Variants in LCP1 observed in about 807,000 individuals in gnomAD.
LCP1 encodes plastin-2.
Under a neutral mutation model 72.0 loss-of-function variants are expected in LCP1, and 23 were observed. The observed-to-expected ratio is 0.32, with a 90% CI of 0.23 to 0.45. The LOEUF (loss-of-function observed/expected upper bound fraction) is 0.45. Among genes scored for constraint, LCP1 ranks in the 20% least tolerant of loss-of-function variants. The pLI, the probability that LCP1 is intolerant of heterozygous loss-of-function variation, is 1.00. For missense variants in LCP1, 571 were observed against 748.3 expected (o/e 0.76, Z 2.76); for synonymous variants, 245 against 275.4 (o/e 0.89, Z 1.09).
At chr13:46,168,221 A>C (rs939232826) in intron 1 of LCP1, among the ~76,000 whole-genome samples, 1 of 152,226 alleles carries the variant, frequency 6.6e-6, no homozygotes, top group South Asian at 2.1e-4. Context: ...TCATAAATTG[A>C]GAAGCGGAGT....
At chr13:46,158,404 T>G in intron 4 of LCP1, 118 bp downstream of exon 4, 1 of 1,144,366 alleles carries the variant, frequency 8.7e-7, no homozygotes, top group Non-Finnish European at 1.2e-6. Context: ...ACAGGAAAAT[T>G]GGGAGTCATC....
At chr13:46,130,282 T>C (rs1301622201) in intron 15 of LCP1, among the ~76,000 whole-genome samples, 1 of 152,354 alleles carries the variant, frequency 6.6e-6, no homozygotes, top group Non-Finnish European at 1.5e-5. Context: ...GAAGCAGCTA[T>C]AGACAAGATG....
chr13:46,175,687 T>A (rs2045925867), intron 1 of LCP1, among the ~76,000 whole-genome samples: 1 of 151,904 alleles, frequency 6.6e-6, no homozygotes, highest in African/African-American at 2.4e-5. Flanking sequence ...TGAGGAACAG[T>A]CCCAACATGA....
chr13:46,178,879 T>G (rs2045943853), intron 1 of LCP1, among the ~76,000 whole-genome samples: 2 of 152,224 alleles, frequency 1.3e-5, no homozygotes, highest in Non-Finnish European at 2.9e-5. Context: ...ATAAGCAGAT[T>G]TCTTAATTTT....
intron 1 of LCP1, among the ~76,000 whole-genome samples, chr13:46,162,083 G>A (rs2045841751): frequency 6.6e-6 from 1 of 151,780 alleles, no homozygotes; most frequent in South Asian, 2.1e-4. Flanking sequence ...GAGAAGTTAA[G>A]ATACAGATCT....
At chr13:46,155,717 C>T (rs2045797257) in intron 5 of LCP1, among the ~76,000 whole-genome samples, 3 of 152,090 alleles carry the variant, frequency 2.0e-5, no homozygotes, top group African/African-American at 2.4e-5. Context: ...TCAAAGACAC[C>T]ACGTTGCATT....
At chr13:46,173,419 A>G (rs1044272867) in intron 1 of LCP1, among the ~76,000 whole-genome samples, 10 of 152,208 alleles carry the variant, frequency 6.6e-5, no homozygotes, top group Non-Finnish European at 1.3e-4. Context: ...AGGGAGAAAG[A>G]GAGGAAGAGA....
At chr13:46,151,120 G>T (rs746800289) in intron 7 of LCP1, 42 bp from the exon 8 acceptor site, 3 of 1,578,542 alleles carry the variant, frequency 1.9e-6, no homozygotes, top group Admixed American at 4.1e-5. Context: ...ATGCAGCGAT[G>T]TTGGGGGAGG....
chr13:46,152,568 T>C lies in LCP1; in HGVS notation c.739+212A>G, dbSNP rs527714675. ...CTGAGCCCTATGCTCCAAACAAACA[T>C]TATTGTTAGTCTATGGTCTTAAAAA... is the stretch of plus-strand genomic sequence containing the variant. On this transcript the variant is annotated intron_variant, in intron 7 of 15. Coordinates refer to ENST00000323076, the MANE Select transcript of LCP1 (RefSeq NM_002298.5). Among the ~76,000 whole-genome samples, 12 of 152,310 alleles carry C rather than the reference T, an allele frequency of 7.9e-5. No individual in the cohort carries two copies. In the South Asian group the frequency reaches 2.1e-3, roughly 26 times the overall value.
intron 7 of LCP1, 146 bp downstream of exon 7, chr13:46,152,634 T>C: frequency 1.3e-6 from 1 of 765,678 alleles, no homozygotes; most frequent in Non-Finnish European, 2.0e-6. Flanking sequence ...TCTGTGTGTA[T>C]AGAATCTGTG....
intron 14 of LCP1, among the ~76,000 whole-genome samples, chr13:46,133,403 A>C (rs1009061472): frequency 6.6e-6 from 1 of 152,190 alleles, no homozygotes; most frequent in African/African-American, 2.4e-5. Context: ...AAGCAGGAGG[A>C]TCTCTGGAGG....
intron 13 of LCP1, among the ~76,000 whole-genome samples, chr13:46,136,074 TAC>T (rs58984200): frequency 0.27 from 38,540 of 143,660 alleles, 5,057 homozygotes; most frequent in Admixed American, 0.35. Flanking sequence ...CATCGTGTGC[TAC>T]ACACACACAC....
intron 1 of LCP1, among the ~76,000 whole-genome samples, chr13:46,168,710 T>C (rs2138277255): frequency 6.6e-6 from 1 of 152,368 alleles, no homozygotes; most frequent in East Asian, 1.9e-4. Flanking sequence ...TACTATTTTG[T>C]TAAAAATATC....
At chr13:46,147,694 CCACT>C (rs1593950811) in intron 9 of LCP1, among the ~76,000 whole-genome samples, 1 of 152,048 alleles carries the variant, frequency 6.6e-6, no homozygotes, top group East Asian at 1.9e-4. Context: ...AGATTTTGAA[CCACT>C]CAATGTGCTC....
intron 4 of LCP1, among the ~76,000 whole-genome samples, chr13:46,157,439 C>CT (rs971268105): frequency 1.3e-5 from 2 of 151,978 alleles, no homozygotes; most frequent in African/African-American, 2.4e-5. Flanking sequence ...TGGATATAAT[C>CT]TTTTTTTCCT....
At chr13:46,163,657 G>T in intron 1 of LCP1, among the ~76,000 whole-genome samples, 1 of 146,954 alleles carries the variant, frequency 6.8e-6, no homozygotes, top group Middle Eastern at 3.5e-3. Context: ...AAAAAACAAT[G>T]AGTTATTAAG....
At chr13:46,140,063 G>A (rs1307307428) in intron 13 of LCP1, among the ~76,000 whole-genome samples, 3 of 152,182 alleles carry the variant, frequency 2.0e-5, no homozygotes, top group African/African-American at 7.2e-5. Context: ...CTGCAGCATA[G>A]GAGGAGAAAA....
intron 15 of LCP1, among the ~76,000 whole-genome samples, chr13:46,129,718 T>C (rs2045622313): frequency 6.6e-6 from 1 of 152,204 alleles, no homozygotes; most frequent in African/African-American, 2.4e-5. Flanking sequence ...GGGCACTAGA[T>C]ACTTGTATCT....
In LCP1 at chr13:46,127,739, G is replaced by C; in HGVS notation, c.1752-16C>G. 6.2e-7 allele frequency: 1 copy of C among 1,613,936 alleles called. No individual in the cohort carries two copies. Among genetic ancestry groups the C allele is most frequent in the Non-Finnish European group, 8.5e-7 (1 of 1,179,922 alleles). ...GATGGCATATCTAAAAGGGAGAAAA[G>C]AGGAAAAATAAGGAGAGCCTGAGAA... On this transcript the variant is annotated splice_polypyrimidine_tract_variant and intron_variant, in intron 15 of 15. Coordinates refer to ENST00000323076, the MANE Select transcript of LCP1 (RefSeq NM_002298.5).
Sources: allele counts gnomAD v4.1 joint callset (sites outside exome capture counted in the v4.1 genomes callset), GRCh38; gene constraint gnomAD v4.1.1; transcripts MANE v1.5; gene names NCBI Gene and HGNC (gene_info 2026-07-23, HGNC 2026-07-21).